The following TAF4B variants were observed in gnomAD, a reference collection of about 807,000 sequenced individuals.
TAF4B encodes TATA-box binding protein associated factor 4b, also known as transcription initiation factor TFIID subunit 4B.
A neutral mutation model predicts 86.4 loss-of-function variants in TAF4B; 38 were observed. The ratio of observed to expected loss-of-function variants is 0.44; its 90% CI spans 0.34 to 0.58. The LOEUF is 0.58. Ranked by LOEUF, TAF4B falls within the 20% of genes least tolerant of loss-of-function variation. The pLI, the probability that TAF4B is intolerant of heterozygous loss-of-function variation, is 0.02. For missense variants in TAF4B, 988 were observed against 1,027.6 expected (o/e 0.96, Z 0.53); for synonymous variants, 388 against 391.2 (o/e 0.99, Z 0.10).
chr18:26,381,342 ACT>A lies in TAF4B; in HGVS notation c.2422-8500_2422-8499del, dbSNP rs569142768. Among the ~76,000 whole-genome samples the A allele has an allele frequency of 1.2e-4, 18 of 151,140 alleles. No homozygotes were observed. The South Asian group carries it at 3.8e-3, about 32-fold the overall frequency. ...TTTATTTTTTTTAATGGTTGCTGTG[ACT>A]CTGTTCAGAGGTACAATGTGCATCC... On this transcript the variant is annotated intron_variant, in intron 14 of 14. Transcript: ENST00000269142.
rs79785670 is a variant in TAF4B at position 26,325,669 on chromosome 18, A to G, written c.2134-1346A>G. Among the ~76,000 whole-genome samples, 647 of 152,332 alleles carry G rather than the reference A, an allele frequency of 4.2e-3. 3 individuals carry two copies. Among genetic ancestry groups the G allele is most frequent in the African/African-American group, 0.015 (617 of 41,574 alleles). On this transcript the variant is annotated intron_variant, in intron 11 of 14. Coordinates refer to ENST00000269142, the MANE Select transcript of TAF4B (RefSeq NM_005640.3). ...TGTCCTTTTTAAATTAAATCCCATC[A>G]TTAAACCATTTCCAGAGTGTCTAAA...
At chr18:26,370,000 C>T (rs1341097042) in intron 14 of TAF4B, among the ~76,000 whole-genome samples, 2 of 152,194 alleles carry the variant, frequency 1.3e-5, no homozygotes, top group South Asian at 4.1e-4. Flanking sequence ...CCGTGGCATA[C>T]AGTGGCAAAA....
chr18:26,389,283 G>A (rs1017192918), intron 14 of TAF4B, among the ~76,000 whole-genome samples: 1 of 152,192 alleles, frequency 6.6e-6, no homozygotes, highest in Non-Finnish European at 1.5e-5. Context: ...TATATGAAAA[G>A]TGCTCAGCGT....
chr18:26,346,001 C>T (rs1012702367), intron 13 of TAF4B, among the ~76,000 whole-genome samples: 1 of 152,074 alleles, frequency 6.6e-6, no homozygotes, highest in Non-Finnish European at 1.5e-5. Context: ...ATTTTATTTA[C>T]TCTGTCACCC....
intron 7 of TAF4B, among the ~76,000 whole-genome samples, chr18:26,287,810 A>G (rs971608868): frequency 6.6e-6 from 1 of 152,224 alleles, no homozygotes; most frequent in African/African-American, 2.4e-5. Context: ...GCAACAGGGC[A>G]GCTTTGGACA....
intron 14 of TAF4B, among the ~76,000 whole-genome samples, chr18:26,360,123 G>GTA (rs2057318730): frequency 6.6e-6 from 1 of 151,910 alleles, no homozygotes; most frequent in African/African-American, 2.4e-5. Flanking sequence ...CCCACACTCA[G>GTA]TATTATTTAA....
intron 14 of TAF4B, among the ~76,000 whole-genome samples, chr18:26,362,395 C>G (rs886422464): frequency 1.3e-5 from 2 of 152,020 alleles, no homozygotes; most frequent in African/African-American, 2.4e-5. Flanking sequence ...CATTAATGGC[C>G]CATAGTGAAT....
chr18:26,236,919 G>A (rs1409729657), intron 1 of TAF4B, among the ~76,000 whole-genome samples: 1 of 149,986 alleles, frequency 6.7e-6, no homozygotes, highest in African/African-American at 2.5e-5. Flanking sequence ...ACCCTCAAGG[G>A]TGTCGGGTGA....
chr18:26,252,278 A>G (rs963889876), intron 1 of TAF4B, among the ~76,000 whole-genome samples: 1 of 152,192 alleles, frequency 6.6e-6, no homozygotes, highest in Non-Finnish European at 1.5e-5. Context: ...GCTATTGTGA[A>G]TAGAATCATT....
intron 1 of TAF4B, among the ~76,000 whole-genome samples, chr18:26,247,747 T>C (rs1177296905): frequency 6.6e-6 from 1 of 152,130 alleles, no homozygotes; most frequent in South Asian, 2.1e-4. Flanking sequence ...CCAAGCGTTG[T>C]GGTGCATACC....
At chr18:26,365,858 C>A (rs1026458757) in intron 14 of TAF4B, among the ~76,000 whole-genome samples, 2 of 152,110 alleles carry the variant, frequency 1.3e-5, no homozygotes, top group Admixed American at 6.5e-5. Context: ...GGTGCGATCT[C>A]AGCTCACTGC....
chr18:26,317,182 A>G (rs2056921410), intron 10 of TAF4B, among the ~76,000 whole-genome samples: 1 of 151,956 alleles, frequency 6.6e-6, no homozygotes, highest in South Asian at 2.1e-4. Context: ...GGTGCCCACT[A>G]CCATGCCCGG....
At chr18:26,349,206 G>A (rs1016632145) in intron 13 of TAF4B, among the ~76,000 whole-genome samples, 2 of 152,078 alleles carry the variant, frequency 1.3e-5, no homozygotes, top group Non-Finnish European at 2.9e-5. Flanking sequence ...CCAGCTTCCA[G>A]GTAGTGAGCA....
intron 12 of TAF4B, among the ~76,000 whole-genome samples, chr18:26,330,859 AATC>A: frequency 6.6e-6 from 1 of 152,290 alleles, no homozygotes; most frequent in Non-Finnish European, 1.5e-5. Flanking sequence ...CAATGTAACT[AATC>A]TCTCAACTAG....
At chr18:26,307,194 C>T (rs1470975113) in intron 9 of TAF4B, among the ~76,000 whole-genome samples, 1 of 152,086 alleles carries the variant, frequency 6.6e-6, no homozygotes, top group Non-Finnish European at 1.5e-5. Context: ...TTGTCTTGAC[C>T]AAACTGTATG....
Position 26,233,069 on chromosome 18 carries a change from T to C in TAF4B, c.343+5793T>C, listed in dbSNP as rs187678969. 3.3e-5 allele frequency among the ~76,000 whole-genome samples: 5 copies of C among 152,184 alleles called. No individual in the cohort carries two copies. In the East Asian group the frequency reaches 5.8e-4, roughly 18 times the overall value. On this transcript the variant is annotated intron_variant, in intron 1 of 14. Coordinates refer to ENST00000269142, the MANE Select transcript of TAF4B (RefSeq NM_005640.3). Reference sequence around the variant, plus strand: ...TGTCTAGTTGGTGGGGAGGCAGATATAGGTTGAAGTTCCACATAAGAAGAA... The same window carrying C: ...TGTCTAGTTGGTGGGGAGGCAGATACAGGTTGAAGTTCCACATAAGAAGAA...
At chr18:26,350,266 A>G (rs1421015101) in intron 13 of TAF4B, among the ~76,000 whole-genome samples, 1 of 152,254 alleles carries the variant, frequency 6.6e-6, no homozygotes, top group Non-Finnish European at 1.5e-5. Context: ...AGTAAAAAAA[A>G]TAAGACTACA....
chr18:26,362,365 T>C (rs1233380633), intron 14 of TAF4B, among the ~76,000 whole-genome samples: 1 of 152,234 alleles, frequency 6.6e-6, no homozygotes, highest in Non-Finnish European at 1.5e-5. Context: ...TTTTGGCTTT[T>C]AATAGTATTT....
rs1029980015 is a variant in TAF4B, at chr18:26,332,911, T to C, written c.2260-2264T>C. Among the ~76,000 whole-genome samples, 3 of 152,070 alleles carry C rather than the reference T, an allele frequency of 2.0e-5. No homozygotes were observed. In the South Asian group the frequency reaches 6.2e-4, roughly 32 times the overall value. On this transcript the variant is annotated intron_variant, in intron 12 of 14. Transcript: ENST00000269142. Reference sequence around the variant, plus strand: ...CAAGGCAACACATGATCTCCAGCCTTTCTCTTTCACCTTTTTTCTATGCTT... The same window carrying C: ...CAAGGCAACACATGATCTCCAGCCTCTCTCTTTCACCTTTTTTCTATGCTT...
Sources: allele counts gnomAD v4.1 joint callset (sites outside exome capture counted in the v4.1 genomes callset), GRCh38; gene constraint gnomAD v4.1.1; transcripts MANE v1.5; gene names NCBI Gene and HGNC (gene_info 2026-07-23, HGNC 2026-07-21).